BTBD8: variants seen among roughly 807,000 people sequenced by gnomAD.
BTBD8 encodes the protein BTB domain containing 8.
BTBD8 carries 110 observed loss-of-function variants against 162.9 expected under a neutral mutation model. The ratio of observed to expected loss-of-function variants is 0.68; its 90% confidence interval spans 0.58 to 0.79. The LOEUF (loss-of-function observed/expected upper bound fraction) is 0.79. Among genes scored for constraint, BTBD8 ranks in the 30% least tolerant of loss-of-function variants. The pLI, the probability that BTBD8 is intolerant of heterozygous loss-of-function variation, is 0.00. For synonymous variants in BTBD8, 667 were observed against 716.1 expected, an observed-to-expected ratio of 0.93 and a Z score of 1.10; for missense variants, 1,905 against 2,085.4, an observed-to-expected ratio of 0.91 and a Z score of 1.68.
chr1:92,165,963 TA>T (rs1467854546), intron 9 of BTBD8, among the ~76,000 whole-genome samples: 1 of 152,218 alleles, frequency 6.6e-6, no homozygotes, highest in African/African-American at 2.4e-5. Flanking sequence ...AACTAATTAA[TA>T]AATAGTTATT....
chr1:92,142,687 C>G (rs1374137147), intron 7 of BTBD8, among the ~76,000 whole-genome samples: 2 of 152,312 alleles, frequency 1.3e-5, no homozygotes, highest in East Asian at 3.9e-4. Flanking sequence ...GAGACTGATA[C>G]AGGGCTAGAT....
intron 2 of BTBD8, among the ~76,000 whole-genome samples, chr1:92,095,775 G>T (rs1380589529): frequency 6.6e-6 from 1 of 151,988 alleles, no homozygotes; most frequent in Non-Finnish European, 1.5e-5. Context: ...CAGTAATCTT[G>T]TTGTCCACTC....
chr1:92,131,285 C>T (rs1265580680), intron 5 of BTBD8, among the ~76,000 whole-genome samples: 2 of 152,160 alleles, frequency 1.3e-5, no homozygotes, highest in Non-Finnish European at 2.9e-5. Context: ...TGCTTAGAAA[C>T]GTCCAAAACA....
intron 3 of BTBD8, among the ~76,000 whole-genome samples, chr1:92,106,140 A>G (rs1648718906): frequency 6.6e-6 from 1 of 152,236 alleles, no homozygotes; most frequent in Admixed American, 6.5e-5. Flanking sequence ...CATTGATGCC[A>G]GTCTCTTGAT....
At chr1:92,173,729 G>T (rs1056731823) in intron 13 of BTBD8, among the ~76,000 whole-genome samples, 1 of 152,186 alleles carries the variant, frequency 6.6e-6, no homozygotes, top group Non-Finnish European at 1.5e-5. Flanking sequence ...TGTGTCATCT[G>T]TGAGTCTTAG....
chr1:92,088,982 A>G, intron 2 of BTBD8, 87 bp downstream of exon 2: 1 of 1,215,774 alleles, frequency 8.2e-7, no homozygotes, highest in Admixed American at 2.9e-5. Flanking sequence ...TTTCATATGT[A>G]TTTTGTAACC....
intron 4 of BTBD8, chr1:92,126,444 A>G: frequency 3.3e-6 from 3 of 914,512 alleles, no homozygotes; most frequent in Non-Finnish European, 5.1e-6. Context: ...CAGCAGTACA[A>G]CAGTTTTGTG....
chr1:92,177,666 T>C (rs1650760647), intron 14 of BTBD8, 120 bp downstream of exon 14: 1 of 814,978 alleles, frequency 1.2e-6, no homozygotes, highest in South Asian at 1.7e-5. Context: ...AATACTTATG[T>C]ATATGTACTT....
Position 92,181,017 on chromosome 1 carries a change from T to A in BTBD8, c.3334T>A (p.Ser1112Thr). ...CTCTAATCCAGTTTGTGATTTAGACTCAACAAGTGCAGGGCAAATCCATTT... is the reference window on the plus strand; with the variant it reads ...CTCTAATCCAGTTTGTGATTTAGACACAACAAGTGCAGGGCAAATCCATTT... ...LNSNPVCDLD[S>T]TSAGQIHLIS... Residue 1112 changes from serine (S) to threonine (T), a missense_variant, in exon 17 of 18, where the codon TCA becomes ACA. This residue lies in a region of BTBD8 where 1,374 missense variants were observed against 1,442.7 expected (regional missense o/e 0.95). Coordinates refer to ENST00000636805, the MANE Select transcript of BTBD8 (RefSeq NM_001376131.1). The A allele has an allele frequency of 6.4e-7, 1 of 1,551,820 alleles. No individual in the cohort carries two copies. Among genetic ancestry groups the A allele is most frequent in the African/African-American group, 1.4e-5 (1 of 73,158 alleles).
Position 92,178,421 on chromosome 1 carries a change from A to T in BTBD8, c.2551A>T (p.Ser851Cys). The change falls in exon 16 of 18, where the codon AGT becomes TGT. Residue 851 changes from serine (S) to cysteine (C), a missense_variant. Ser to Cys is a moderately radical substitution (Grantham distance 112). Coordinates refer to ENST00000636805, the MANE Select transcript of BTBD8 (RefSeq NM_001376131.1). ...GCTAAQQRTK[S>C]TPSNLTKTQG... is the part of the protein sequence containing the mutation. ...TACTGCAGCTCAGCAGAGGACAAAG[A>T]GTACCCCATCTAATCTTACTAAAAC... 1.3e-6 allele frequency: 2 copies of T among 1,550,910 alleles called. No individual in the cohort carries two copies. The highest frequency in any genetic ancestry group is 1.7e-6 in the Non-Finnish European group (2 of 1,146,640).
At chr1:92,123,162 G>A (rs7532659) in intron 4 of BTBD8, among the ~76,000 whole-genome samples, 2,767 of 152,202 alleles carry the variant, frequency 0.018, 87 homozygotes, top group African/African-American at 0.062. Context: ...CCATATGTAT[G>A]TGGATCTACT....
At chr1:92,155,876 C>T (rs937515904) in intron 9 of BTBD8, among the ~76,000 whole-genome samples, 6 of 152,066 alleles carry the variant, frequency 3.9e-5, no homozygotes, top group African/African-American at 1.4e-4. Flanking sequence ...TATCTGCAAG[C>T]AGGGACAATT....
intron 4 of BTBD8, among the ~76,000 whole-genome samples, chr1:92,109,804 C>T (rs1295024553): frequency 6.6e-6 from 1 of 152,182 alleles, no homozygotes; most frequent in African/African-American, 2.4e-5. Context: ...TCAATTACTT[C>T]TTGTTCTAGA....
At chr1:92,122,283 G>A (rs781251590) in intron 4 of BTBD8, among the ~76,000 whole-genome samples, 23 of 150,608 alleles carry the variant, frequency 1.5e-4, no homozygotes, top group African/African-American at 5.4e-4. Flanking sequence ...TTTTTGAGAC[G>A]GAGTCTTGCT....
At chr1:92,139,913 C>T (rs1389997365) in intron 6 of BTBD8, 2 of 122,000 alleles carry the variant, frequency 1.6e-5, no homozygotes, top group Non-Finnish European at 3.2e-5. Context: ...ATGGTGAAAC[C>T]TCGTCTCTAC....
chr1:92,143,782 G>T (rs1004792196), intron 7 of BTBD8, among the ~76,000 whole-genome samples: 3 of 151,830 alleles, frequency 2.0e-5, no homozygotes, highest in African/African-American at 7.3e-5. Flanking sequence ...AAAGTGCTGG[G>T]ATTACAGGCA....
At chr1:92,180,183 A>T in intron 16 of BTBD8, 82 bp from the exon 17 acceptor site, 1 of 1,012,790 alleles carries the variant, frequency 9.9e-7, no homozygotes, top group Non-Finnish European at 1.4e-6. Flanking sequence ...TTTCTGAAGT[A>T]ATTTTAAAAC....
intron 11 of BTBD8, 113 bp from the exon 12 acceptor site, chr1:92,168,752 TA>T: frequency 9.7e-7 from 1 of 1,028,878 alleles, no homozygotes; most frequent in African/African-American, 1.6e-5. Context: ...CTTAAAAATC[TA>T]AATGATGACA....
At chr1:92,145,760 T>C (rs1649896296) in intron 7 of BTBD8, among the ~76,000 whole-genome samples, 1 of 152,132 alleles carries the variant, frequency 6.6e-6, no homozygotes, top group Non-Finnish European at 1.5e-5. Flanking sequence ...GGCGGGTGGA[T>C]CACGAGACCA....
Sources: allele counts gnomAD v4.1 joint callset (sites outside exome capture counted in the v4.1 genomes callset), GRCh38; gene constraint gnomAD v4.1.1; regional missense constraint gnomAD v4.1.1; transcripts MANE v1.5; gene names NCBI Gene and HGNC (gene_info 2026-07-23, HGNC 2026-07-21).